The following PLCB1 variants were observed in gnomAD, a reference collection of about 807,000 sequenced individuals.
PLCB1 encodes the protein phospholipase C beta 1, also known as 1-phosphatidylinositol 4,5-bisphosphate phosphodiesterase beta-1.
PLCB1 carries 46 observed loss-of-function variants against 161.8 expected under a neutral mutation model. That is an observed-to-expected ratio of 0.28 (90% CI 0.22 to 0.36). The LOEUF (loss-of-function observed/expected upper bound fraction) is 0.36, where lower values mean the gene tolerates loss of function less well. Ranked by LOEUF, PLCB1 falls within the 10% of genes least tolerant of loss-of-function variation. The pLI is 1.00. For missense variants in PLCB1, 1,016 were observed against 1,472.5 expected, an observed-to-expected ratio of 0.69 and a Z score of 5.07; for synonymous variants, 517 against 503.7, an observed-to-expected ratio of 1.03 and a Z score of -0.35.
chr20:8,400,001 G>A (rs893316727), intron 3 of PLCB1, among the ~76,000 whole-genome samples: 6 of 152,092 alleles, frequency 3.9e-5, no homozygotes, highest in African/African-American at 1.4e-4. Context: ...CCTTTAAATA[G>A]CCATAAAGCC....
Position 8,757,062 on chromosome 20 carries a change from C to T in PLCB1, c.2540C>T (p.Thr847Ile). The T allele has an allele frequency of 1.2e-6, 2 of 1,607,846 alleles. No individual in the cohort carries two copies. The highest frequency in any genetic ancestry group is 1.7e-6 in the Non-Finnish European group (2 of 1,176,834). Residue 847 changes from threonine to isoleucine, a missense_variant, in exon 24 of 32, where the codon ACA becomes ATA. Thr to Ile is a moderately conservative substitution (Grantham distance 89). Transcript: ENST00000338037. ...EVKKEADPGE[T>I]PSEAPSEART... Reference sequence around the variant, plus strand: ...TAATTTTAGGCTGATCCTGGAGAAACACCATCAGAGGCTCCAAGTGAAGCG... The same window carrying T: ...TAATTTTAGGCTGATCCTGGAGAAATACCATCAGAGGCTCCAAGTGAAGCG...
chr20:8,492,659 T>G (rs1982993546), intron 3 of PLCB1, among the ~76,000 whole-genome samples: 1 of 152,108 alleles, frequency 6.6e-6, no homozygotes, highest in Non-Finnish European at 1.5e-5. Flanking sequence ...GATGCCTTTC[T>G]TCTGTGCCTA....
At chr20:8,226,956 G>C (rs1417006427) in intron 2 of PLCB1, among the ~76,000 whole-genome samples, 3 of 151,940 alleles carry the variant, frequency 2.0e-5, no homozygotes, top group Non-Finnish European at 4.4e-5. Flanking sequence ...CAAAGTGCTG[G>C]GATTACAGGC....
intron 14 of PLCB1, among the ~76,000 whole-genome samples, 186 bp from the exon 15 acceptor site, chr20:8,722,168 T>A (rs892042517): frequency 6.9e-6 from 1 of 144,444 alleles, no homozygotes; most frequent in African/African-American, 2.6e-5. Flanking sequence ...TAGGAAAAAA[T>A]CTATATTCAA....
chr20:8,744,660 A>AAAATAAAATAAAAT lies in PLCB1; in HGVS notation c.2523+3089_2523+3090insATAAAATAAAATAA, dbSNP rs1568582262. On this transcript the variant is annotated intron_variant, in intron 23 of 31. Transcript: ENST00000338037. ...TAAAATAAAATAAAATAAAATAAAA[A>AAAATAAAATAAAAT]AATAAAATTGTTTGTAAATATTTCC... Among the ~76,000 whole-genome samples the AAAATAAAATAAAAT allele has an allele frequency of 4.3e-4, 54 of 126,238 alleles. 1 individual carries two copies. Among genetic ancestry groups the AAAATAAAATAAAAT allele is most frequent in the African/African-American group, 1.4e-3 (52 of 36,046 alleles). The allele number at this position is 126,238 out of a possible 152,430, so 82.8% of individuals were successfully genotyped here. A position where few individuals can be genotyped will look rare whatever the true frequency, so the allele number is the denominator to read the frequency against.
chr20:8,703,717 C>T (rs1568566695), intron 11 of PLCB1, among the ~76,000 whole-genome samples: 1 of 152,098 alleles, frequency 6.6e-6, no homozygotes, highest in Non-Finnish European at 1.5e-5. Flanking sequence ...CTAGGAACCC[C>T]AGTGGCCCAG....
Position 8,198,284 on chromosome 20 carries a change from A to G in PLCB1, c.177+47913A>G, listed in dbSNP as rs188888451. Among the ~76,000 whole-genome samples, 617 of 152,250 alleles carry G rather than the reference A, an allele frequency of 4.1e-3. 3 individuals carry two copies. Among genetic ancestry groups the G allele is most frequent in the Non-Finnish European group, 6.1e-3 (414 of 68,012 alleles). On this transcript the variant is annotated intron_variant, in intron 2 of 31. Transcript: ENST00000338037. The stretch of plus-strand genomic sequence containing the variant: ...CATTTTCACAATATTGATTCTTCCT[A>G]TCCATGAGCGTGGAATGTTCTTCCA...
intron 2 of PLCB1, among the ~76,000 whole-genome samples, chr20:8,309,679 T>C (rs1425681111): frequency 6.6e-6 from 1 of 152,190 alleles, no homozygotes. Context: ...ATAATTCCGT[T>C]GACAGCAGTT....
intron 31 of PLCB1, among the ~76,000 whole-genome samples, chr20:8,794,693 C>A (rs568092376): frequency 2.8e-4 from 42 of 152,232 alleles, no homozygotes; most frequent in African/African-American, 1.0e-3. Flanking sequence ...TCTTTTTTTA[C>A]ATTACTGTTT....
In PLCB1 at chr20:8,846,802, T is replaced by G. The variant is rs146550231; in HGVS notation, c.3424-34820T>G. On this transcript the variant is annotated intron_variant, in intron 31 of 31. Coordinates refer to ENST00000338037, the MANE Select transcript of PLCB1 (RefSeq NM_015192.4). The stretch of plus-strand genomic sequence containing the variant: ...TGGGAAGATCCGGCCAGGGCAAGTC[T>G]GCTTCCATACATGGTCCATACAAAA... 2.2e-3 allele frequency among the ~76,000 whole-genome samples: 329 copies of G among 152,294 alleles called. 1 individual carries two copies. The highest frequency in any genetic ancestry group is 7.5e-3 in the African/African-American group (310 of 41,558).
intron 11 of PLCB1, among the ~76,000 whole-genome samples, chr20:8,701,488 C>T (rs942158770): frequency 2.6e-5 from 4 of 152,196 alleles, no homozygotes; most frequent in African/African-American, 9.7e-5. Flanking sequence ...AGCCACCACT[C>T]CCAATCCCCA....
Position 8,261,247 on chromosome 20 carries a change from C to T in PLCB1, c.178-110135C>T, listed in dbSNP as rs566017685. ...ATATAGGGAACTCTGAGAAACGCCC[C>T]CAATAAAACATTAAGAGGAGAGAGA... is the stretch of plus-strand genomic sequence containing the variant. On this transcript the variant is annotated intron_variant, in intron 2 of 31. Transcript: ENST00000338037. Among the ~76,000 whole-genome samples, 32 of 152,144 alleles carry T rather than the reference C, an allele frequency of 2.1e-4. No individual in the cohort carries two copies. The South Asian group carries it at 5.2e-3, about 25-fold the overall frequency.
intron 3 of PLCB1, among the ~76,000 whole-genome samples, chr20:8,389,622 G>A (rs1176289864): frequency 6.6e-6 from 1 of 152,156 alleles, no homozygotes; most frequent in African/African-American, 2.4e-5. Flanking sequence ...GTACATAGTT[G>A]CATTTGGGAA....
At chr20:8,507,782 G>A (rs1269876017) in intron 3 of PLCB1, among the ~76,000 whole-genome samples, 5 of 151,218 alleles carry the variant, frequency 3.3e-5, no homozygotes, top group East Asian at 1.9e-4. Flanking sequence ...AGATAAGAAC[G>A]TAGTATTTGA....
At chr20:8,494,178 G>C (rs1983065595) in intron 3 of PLCB1, among the ~76,000 whole-genome samples, 1 of 152,160 alleles carries the variant, frequency 6.6e-6, no homozygotes, top group African/African-American at 2.4e-5. Flanking sequence ...ATTCTGAAAA[G>C]GAATTAAAAA....
intron 2 of PLCB1, among the ~76,000 whole-genome samples, chr20:8,290,257 T>C (rs1983322830): frequency 6.6e-6 from 1 of 152,138 alleles, no homozygotes; most frequent in Non-Finnish European, 1.5e-5. Flanking sequence ...TTGGTTTGGG[T>C]TCCCCCAGGA....
intron 3 of PLCB1, among the ~76,000 whole-genome samples, chr20:8,418,907 G>T (rs1040720942): frequency 6.6e-6 from 1 of 152,136 alleles, no homozygotes; most frequent in African/African-American, 2.4e-5. Context: ...TGCCTACACA[G>T]AGGGGAGAGG....
At chr20:8,591,381 G>A (rs1337904924) in intron 3 of PLCB1, among the ~76,000 whole-genome samples, 4 of 152,048 alleles carry the variant, frequency 2.6e-5, no homozygotes, top group Non-Finnish European at 4.4e-5. Flanking sequence ...TAGATAATAA[G>A]CAAAAGAAGC....
At chr20:8,593,336 C>T (rs1987210903) in intron 3 of PLCB1, among the ~76,000 whole-genome samples, 1 of 151,928 alleles carries the variant, frequency 6.6e-6, no homozygotes, top group African/African-American at 2.4e-5. Flanking sequence ...CCATGCCCAT[C>T]TAATTTGTGT....
Sources: allele counts gnomAD v4.1 joint callset (sites outside exome capture counted in the v4.1 genomes callset), GRCh38; gene constraint gnomAD v4.1.1; transcripts MANE v1.5; gene names NCBI Gene and HGNC (gene_info 2026-07-23, HGNC 2026-07-21).